ANK3: variants seen among roughly 807,000 people sequenced by gnomAD.
The protein encoded by ANK3 is ankyrin-3.
ANK3 carries 57 observed loss-of-function variants against 370.9 expected under a neutral mutation model. That is an observed-to-expected ratio of 0.15 (90% CI 0.12 to 0.19). ANK3 has a LOEUF of 0.19. Among genes scored for constraint, ANK3 ranks in the 10% least tolerant of loss-of-function variants. ANK3 has a pLI of 1.00. For missense variants in ANK3, 4,439 were observed against 5,302.1 expected (o/e 0.84, Z 5.06); for synonymous variants, 1,929 against 1,946.3 (o/e 0.99, Z 0.23).
At chr10:60,201,708 CTTTTTTT>C (rs10544317) in intron 12 of ANK3, among the ~76,000 whole-genome samples, 1 of 120,282 alleles carries the variant, frequency 8.3e-6, no homozygotes. Flanking sequence ...GAAATCACTT[CTTTTTTT>C]TTTTTTTTTT....
Position 60,029,569 on chromosome 10 carries a change from C to A in ANK3, c.*277G>T, listed in dbSNP as rs1272672644. On this transcript the variant is annotated 3_prime_UTR_variant, in exon 44 of 44. Coordinates refer to ENST00000280772, the MANE Select transcript of ANK3 (RefSeq NM_020987.5). ...ATTACTTGAGATAAACTGTTAACAG[C>A]ATGGCTTCTTGTATATACACTGCAT... 6.6e-6 allele frequency: 1 copy of A among 152,598 alleles called. No individual in the cohort carries two copies. Among genetic ancestry groups the A allele is most frequent in the Admixed American group, 6.5e-5 (1 of 15,276 alleles). 9.5% of individuals were successfully genotyped at this position (152,598 alleles called of 1,614,324 possible).
At chr10:60,457,251 G>A (rs1434757347) in intron 2 of ANK3, among the ~76,000 whole-genome samples, 1 of 152,126 alleles carries the variant, frequency 6.6e-6, no homozygotes, top group Non-Finnish European at 1.5e-5. Flanking sequence ...TAGAAATGAT[G>A]GGTATGGTAA....
intron 2 of ANK3, among the ~76,000 whole-genome samples, chr10:60,596,471 G>T (rs1037340537): frequency 2.0e-5 from 3 of 152,026 alleles, no homozygotes; most frequent in Non-Finnish European, 4.4e-5. Context: ...CTTACTATAC[G>T]CTATGGTAGA....
At chr10:60,135,018 C>T (rs2094270549) in intron 24 of ANK3, among the ~76,000 whole-genome samples, 1 of 152,176 alleles carries the variant, frequency 6.6e-6, no homozygotes, top group African/African-American at 2.4e-5. Flanking sequence ...ACTGTTCTTT[C>T]CAGCCACTGT....
chr10:60,059,729 T>G (rs2079965414), intron 40 of ANK3: 1 of 1,613,756 alleles, frequency 6.2e-7, no homozygotes, highest in Non-Finnish European at 8.5e-7. Context: ...GGCTCTCATC[T>G]ACATCCACTG....
intron 7 of ANK3, among the ~76,000 whole-genome samples, chr10:60,238,125 G>A (rs952494744): frequency 6.6e-6 from 1 of 152,148 alleles, no homozygotes; most frequent in African/African-American, 2.4e-5. Flanking sequence ...AAATCAAAAT[G>A]AAAGTGGTAC....
chr10:60,378,616 T>C (rs1362530236), intron 1 of ANK3, among the ~76,000 whole-genome samples: 1 of 152,072 alleles, frequency 6.6e-6, no homozygotes, highest in Admixed American at 6.6e-5. Context: ...CCTTCAATAA[T>C]TGGTGCTGGG....
Position 60,299,333 on chromosome 10 carries a change from A to G in ANK3, c.115-19694T>C, listed in dbSNP as rs4315015. On this transcript the variant is annotated intron_variant, in intron 1 of 43. Transcript: ENST00000280772. ...AAAGATAAAAATTGTAAGTTTTCCAAATTGCTTTTTGTAACACTGTGAAAT... is the reference window on the plus strand; with the variant it reads ...AAAGATAAAAATTGTAAGTTTTCCAGATTGCTTTTTGTAACACTGTGAAAT... Among the ~76,000 whole-genome samples, 737 of 152,304 alleles carry G rather than the reference A, an allele frequency of 4.8e-3. 21 individuals are homozygous for G. The East Asian group carries it at 0.085, about 17-fold the overall frequency.
At chr10:60,336,095 G>GGGGGGA (rs1555307643) in intron 1 of ANK3, among the ~76,000 whole-genome samples, 2 of 152,042 alleles carry the variant, frequency 1.3e-5, no homozygotes, top group African/African-American at 4.8e-5. Flanking sequence ...TTTGGCGGGG[G>GGGGGGA]GGGGAAGCTG....
At chr10:60,188,917 C>A (rs1254575321) in intron 16 of ANK3, among the ~76,000 whole-genome samples, 1 of 152,026 alleles carries the variant, frequency 6.6e-6, no homozygotes, top group Non-Finnish European at 1.5e-5. Context: ...CAATAAGTGA[C>A]CAGCATAAAA....
intron 2 of ANK3, among the ~76,000 whole-genome samples, chr10:60,598,005 C>A (rs1241397817): frequency 6.6e-6 from 1 of 152,090 alleles, no homozygotes; most frequent in Non-Finnish European, 1.5e-5. Context: ...AAAGAATATT[C>A]AATACATAGA....
At chr10:60,575,074 A>G (rs1251164377) in intron 2 of ANK3, among the ~76,000 whole-genome samples, 1 of 152,246 alleles carries the variant, frequency 6.6e-6, no homozygotes, top group African/African-American at 2.4e-5. Flanking sequence ...TACAATTAAC[A>G]TGATATGTCT....
intron 23 of ANK3, among the ~76,000 whole-genome samples, chr10:60,147,020 T>A (rs953685231): frequency 6.6e-6 from 1 of 152,244 alleles, no homozygotes; most frequent in African/African-American, 2.4e-5. Context: ...GTTAGTTAGA[T>A]GCCAGATCTG....
intron 26 of ANK3, among the ~76,000 whole-genome samples, chr10:60,113,985 T>C (rs1184039696): frequency 1.3e-5 from 2 of 151,814 alleles, no homozygotes; most frequent in Non-Finnish European, 1.5e-5. Context: ...AAGTTTGTTG[T>C]ACTAGTAATT....
intron 27 of ANK3, among the ~76,000 whole-genome samples, chr10:60,107,382 A>C (rs1271332865): frequency 6.6e-6 from 1 of 152,198 alleles, no homozygotes; most frequent in Admixed American, 6.6e-5. Context: ...TAAATATTTA[A>C]GGAATGTGGC....
intron 1 of ANK3, among the ~76,000 whole-genome samples, chr10:60,729,007 A>C (rs1267717778): frequency 6.6e-6 from 1 of 152,198 alleles, no homozygotes; most frequent in African/African-American, 2.4e-5. Flanking sequence ...ATCTTGGATT[A>C]TATACTTCTT....
At chr10:60,695,280 A>C (rs985283389) in intron 1 of ANK3, among the ~76,000 whole-genome samples, 68 of 152,128 alleles carry the variant, frequency 4.5e-4, no homozygotes, top group Non-Finnish European at 8.2e-4. Flanking sequence ...AAAGAGACTT[A>C]GACTCCCACA....
At chr10:60,692,391 G>C (rs1212331372) in intron 1 of ANK3, among the ~76,000 whole-genome samples, 2 of 152,194 alleles carry the variant, frequency 1.3e-5, no homozygotes, top group Non-Finnish European at 2.9e-5. Flanking sequence ...GGGCTACTAG[G>C]TGTAACCTAC....
chr10:60,439,561 T>C (rs1240094074), intron 2 of ANK3, among the ~76,000 whole-genome samples: 2 of 152,132 alleles, frequency 1.3e-5, no homozygotes, highest in Admixed American at 1.3e-4. Flanking sequence ...TGAGAATTTA[T>C]ATATGAAGTT....
Sources: gnomAD v4.1 joint callset for allele counts (sites outside exome capture counted in the v4.1 genomes callset) on GRCh38, gnomAD v4.1.1 for gene constraint, MANE v1.5 for transcripts, NCBI Gene and HGNC (gene_info 2026-07-23, HGNC 2026-07-21) for gene names.